The following EEF1AKMT2 variants were observed in gnomAD, a reference collection of about 807,000 sequenced individuals.
The protein encoded by EEF1AKMT2 is eukaryotic translation elongation factor 1 alpha lysine methyltransferase 2.
EEF1AKMT2 carries 32 observed loss-of-function variants against 35.8 expected under a neutral mutation model. The ratio of observed to expected loss-of-function variants is 0.89; its 90% CI spans 0.67 to 1.20. The LOEUF is 1.20. Ranked by LOEUF, EEF1AKMT2 falls within the 50% of genes most tolerant of loss-of-function variation. EEF1AKMT2 has a pLI of 0.00. For missense variants in EEF1AKMT2, 330 were observed against 347.5 expected (o/e 0.95, Z 0.40); for synonymous variants, 121 against 133.7 (o/e 0.91, Z 0.65).
At position 124,784,663 on chromosome 10, in the gene EEF1AKMT2, G is replaced by C. The variant is rs561709832; in HGVS notation, c.291+4380C>G. The stretch of plus-strand genomic sequence containing the variant: ...ACATAAAAATAGGCAGGGCAGGGTG[G>C]CTCACGCCTGTAATCCCAGAACTTT... On this transcript the variant is annotated intron_variant, in intron 3 of 6. Transcript: ENST00000368836. 3.2e-3 allele frequency among the ~76,000 whole-genome samples: 483 copies of C among 152,196 alleles called. 3 individuals carry two copies. The highest frequency in any genetic ancestry group is 6.8e-3 in the Middle Eastern group (2 of 294).
In EEF1AKMT2 at chr10:124,791,812, C is replaced by A. The variant is rs144443222; in HGVS notation, c.22G>T (p.Gly8Cys). 5.7e-6 allele frequency: 9 copies of A among 1,583,814 alleles called. No homozygotes were observed. Among genetic ancestry groups the A allele is most frequent in the Non-Finnish European group, 6.8e-6 (8 of 1,170,514 alleles). The change falls in exon 1 of 7, where the codon GGC becomes TGC. Residue 8 changes from glycine (G) to cysteine (C), a missense_variant. Physicochemically the swap from Gly to Cys is radical, Grantham distance 159. Transcript: ENST00000368836. ...CGCGCCGCCACCGCAGCGCCACCGC[C>A]GCCGTCAGCGCCCGAGCTCATTTCG... is the stretch of plus-strand genomic sequence containing the variant. MSSGADG[G>C]GGAAVAARSD... is the part of the protein sequence containing the mutation.
At position 124,758,594 on chromosome 10, in the gene EEF1AKMT2, C is replaced by G. The variant is rs1425514159; in HGVS notation, c.*1909G>C. On this transcript the variant is annotated 3_prime_UTR_variant, in exon 7 of 7. Transcript: ENST00000368836. ...CTCGAAAAGCTTTTCAACAAAGAAC[C>G]ATTCTAAGCTTTTTGTGAATCAAAC... 2 of 151,646 alleles carry G rather than the reference C, an allele frequency of 1.3e-5. No homozygotes were observed. Among genetic ancestry groups the G allele is most frequent in the African/African-American group, 4.8e-5 (2 of 41,282 alleles). 9.4% of individuals were successfully genotyped at this position (151,646 alleles called of 1,614,324 possible).
At chr10:124,757,681 A>G (rs1367365124), downstream of EEF1AKMT2, 1 of 152,158 alleles carries the variant, frequency 6.6e-6, no homozygotes, top group Non-Finnish European at 1.5e-5. Flanking sequence ...TAAAAAGACT[A>G]AAAGTCTTTT....
chr10:124,787,078 T>C (rs1950591351), intron 3 of EEF1AKMT2, among the ~76,000 whole-genome samples: 1 of 100 alleles, frequency 0.01, no homozygotes, highest in African/African-American at 0.062. Flanking sequence ...CCCGAGTACC[T>C]GGGACTATAT....
At chr10:124,779,948 A>G (rs1409783293) in intron 3 of EEF1AKMT2, among the ~76,000 whole-genome samples, 2 of 151,794 alleles carry the variant, frequency 1.3e-5, no homozygotes, top group Non-Finnish European at 2.9e-5. Flanking sequence ...ATGTAGTCCC[A>G]GCTACTCGGG....
chr10:124,763,809 A>G (rs1950353137), intron 5 of EEF1AKMT2, among the ~76,000 whole-genome samples: 1 of 152,200 alleles, frequency 6.6e-6, no homozygotes, highest in Admixed American at 6.5e-5. Context: ...TGTAACTTTG[A>G]GCATTTATTA....
rs1264201438 is a variant in EEF1AKMT2 at position 124,762,565 on chromosome 10, A to G, written c.617-7T>C. ...CCTGCCACTGTACTCCAACCTGGGC[A>G]ACAGAGAGAGAGACAGACCGTTTCA... On this transcript the variant is annotated splice_polypyrimidine_tract_variant and splice_region_variant and intron_variant, in intron 5 of 6. Transcript: ENST00000368836. The G allele has an allele frequency of 8.4e-7, 1 of 1,193,982 alleles. No individual in the cohort carries two copies. Among genetic ancestry groups the G allele is most frequent in the Non-Finnish European group, 1.1e-6 (1 of 925,732 alleles). 74.0% of individuals were successfully genotyped at this position (1,193,982 alleles called of 1,614,324 possible).
At chr10:124,771,624 C>T (rs1950437112) in intron 4 of EEF1AKMT2, among the ~76,000 whole-genome samples, 1 of 152,022 alleles carries the variant, frequency 6.6e-6, no homozygotes, top group South Asian at 2.1e-4. Flanking sequence ...AATCCCAGCA[C>T]TTTGGGAGGC....
rs1236535959 is a variant in EEF1AKMT2, at chr10:124,791,848, T to C, written c.-15A>G. On this transcript the variant is annotated 5_prime_UTR_variant, in exon 1 of 7. Coordinates refer to ENST00000368836, the MANE Select transcript of EEF1AKMT2 (RefSeq NM_212554.4). ...CCCGAGCTCATTTCGCTCCACGTCC[T>C]GGACGGCCGTTGGGGCCGCCATAGA... 8 of 1,555,320 alleles carry C rather than the reference T, an allele frequency of 5.1e-6. No individual in the cohort carries two copies. The highest frequency in any genetic ancestry group is 4.7e-5 in the South Asian group (4 of 85,580).
In EEF1AKMT2 at chr10:124,791,812, C is replaced by CCGTCAGCGCCCCCGCT. The variant is rs1564912756; in HGVS notation, c.21_22insAGCGGGGGCGCTGACG (p.Gly8SerfsTer41). On this transcript the variant is annotated frameshift_variant, in exon 1 of 7. Transcript: ENST00000368836. LOFTEE classifies it high-confidence loss of function. ...CGCGCCGCCACCGCAGCGCCACCGC[C>CCGTCAGCGCCCCCGCT]GCCGTCAGCGCCCGAGCTCATTTCG... 6.9e-6 allele frequency: 11 copies of CCGTCAGCGCCCCCGCT among 1,583,704 alleles called. No individual in the cohort carries two copies. The highest frequency in any genetic ancestry group is 9.4e-6 in the Non-Finnish European group (11 of 1,170,524).
At chr10:124,771,397 C>T (rs1313038258) in intron 4 of EEF1AKMT2, among the ~76,000 whole-genome samples, 2 of 151,836 alleles carry the variant, frequency 1.3e-5, no homozygotes, top group African/African-American at 4.8e-5. Flanking sequence ...CCGCGCCCAG[C>T]CCATTTCCAG....
Position 124,789,123 on chromosome 10 carries a change from A to G in EEF1AKMT2, c.211T>C (p.Trp71Arg). The G allele has an allele frequency of 1.2e-6, 2 of 1,613,496 alleles. No individual in the cohort carries two copies. The highest frequency in any genetic ancestry group is 1.7e-6 in the Non-Finnish European group (2 of 1,179,722). The change falls in exon 3 of 7, where the codon TGG becomes CGG. Residue 71 changes from tryptophan (W) to arginine (R), a missense_variant. Transcript: ENST00000368836. ...AGTGGAATCTTGTGTTTCTGCATCC[A>G]CCTTATTAGTCGATTCATACTCTCT... ...GEESMNRLIRWMQKHKIPLDA... is the reference protein window; with the variant it reads ...GEESMNRLIRRMQKHKIPLDA...
rs1485825089 is a variant in EEF1AKMT2 at position 124,759,780 on chromosome 10, C to G, written c.*723G>C. ...TAGCAAATAATAACATTCCTTAGTT[C>G]TCTTTCCTTCTACTACCCTTACAGT... On this transcript the variant is annotated 3_prime_UTR_variant, in exon 7 of 7. Transcript: ENST00000368836. 6.6e-6 allele frequency: 1 copy of G among 152,188 alleles called. No individual in the cohort carries two copies. Among genetic ancestry groups the G allele is most frequent in the African/African-American group, 2.4e-5 (1 of 41,452 alleles). 9.4% of individuals were successfully genotyped at this position (152,188 alleles called of 1,614,324 possible).
intron 3 of EEF1AKMT2, among the ~76,000 whole-genome samples, chr10:124,775,584 T>C (rs2134132160): frequency 1.3e-5 from 2 of 152,296 alleles, no homozygotes; most frequent in South Asian, 4.1e-4. Flanking sequence ...ATTCCCTTCC[T>C]GCTCTTCACC....
Position 124,759,285 on chromosome 10 carries a change from G to A in EEF1AKMT2, c.*1218C>T, listed in dbSNP as rs1278641903. 1 of 152,130 alleles carries A rather than the reference G, an allele frequency of 6.6e-6. No individual in the cohort carries two copies. The highest frequency in any genetic ancestry group is 2.4e-5 in the African/African-American group (1 of 41,440). The allele number at this position is 152,130 out of a possible 1,614,324, so 9.4% of individuals were successfully genotyped here. On this transcript the variant is annotated 3_prime_UTR_variant, in exon 7 of 7. Transcript: ENST00000368836. Reference sequence around the variant, plus strand: ...AGAACATCTTTGTGCATGTATCGCTGAGGGCTTATATAACTTACACTACCC... The same window carrying A: ...AGAACATCTTTGTGCATGTATCGCTAAGGGCTTATATAACTTACACTACCC...
At chr10:124,757,652 C>T (rs918959425), downstream of EEF1AKMT2, among the ~76,000 whole-genome samples, 3 of 151,338 alleles carry the variant, frequency 2.0e-5, no homozygotes, top group Non-Finnish European at 4.4e-5. Context: ...TAAGTAAGTC[C>T]ACTGAAGCAC....
At chr10:124,763,942 CAT>C (rs1950354530) in intron 5 of EEF1AKMT2, among the ~76,000 whole-genome samples, 1 of 152,092 alleles carries the variant, frequency 6.6e-6, no homozygotes, top group Non-Finnish European at 1.5e-5. Context: ...CAATAAATCA[CAT>C]ATAATTCTTG....
chr10:124,774,688 TTAGA>T lies in EEF1AKMT2; in HGVS notation c.382_385del (p.Ser128ThrfsTer4), dbSNP rs1950473263. 7.0e-7 allele frequency: 1 copy of T among 1,421,730 alleles called. No homozygotes were observed. The highest frequency in any genetic ancestry group is 1.6e-5 in the South Asian group (1 of 62,102). 88.1% of individuals were successfully genotyped at this position (1,421,730 alleles called of 1,614,324 possible). A position where few individuals can be genotyped will look rare whatever the true frequency, so the allele number is the denominator to read the frequency against. Reference sequence around the variant, plus strand: ...AATAATAGTTACCTTTAACTTAATGTTAGATAAACCTTCTTTTTCTATAATACTT... The same window carrying T: ...AATAATAGTTACCTTTAACTTAATGTTAAACCTTCTTTTTCTATAATACTT... On this transcript the variant is annotated frameshift_variant, in exon 4 of 7. Coordinates refer to ENST00000368836, the MANE Select transcript of EEF1AKMT2 (RefSeq NM_212554.4). LOFTEE classifies it high-confidence loss of function.
At chr10:124,782,842 GAA>G (rs1472779744) in intron 3 of EEF1AKMT2, 1 of 232,216 alleles carries the variant, frequency 4.3e-6, no homozygotes, top group Non-Finnish European at 8.9e-6. Context: ...GTAAAAAAGG[GAA>G]AACAATAAAA....
Sources: allele counts gnomAD v4.1 joint callset (sites outside exome capture counted in the v4.1 genomes callset), GRCh38; gene constraint gnomAD v4.1.1; transcripts MANE v1.5; gene names NCBI Gene and HGNC (gene_info 2026-07-23, HGNC 2026-07-21).